Variants in TENM3 observed in about 807,000 individuals in gnomAD.
TENM3 encodes the protein teneurin-3.
Under a neutral mutation model 255.1 loss-of-function variants are expected in TENM3, and 63 were observed. The observed-to-expected ratio is 0.25, with a 90% CI of 0.20 to 0.30. The LOEUF is 0.30. Ranked by LOEUF, TENM3 falls within the 10% of genes least tolerant of loss-of-function variation. The pLI is 1.00. For synonymous variants in TENM3, 1,306 were observed against 1,322.3 expected (o/e 0.99, Z 0.27); for missense variants, 2,929 against 3,461.1 (o/e 0.85, Z 3.86).
At chr4:181,457,735 T>C in the TENM3 span, among the ~76,000 whole-genome samples, 3 of 151,732 alleles carry the variant, frequency 2.0e-5, no homozygotes, top group Non-Finnish European at 4.4e-5. Context: ...AAATCAAATA[T>C]AAGCATTCTA....
chr4:182,611,838 T>G (rs2152432677), intron 4 of TENM3, among the ~76,000 whole-genome samples: 1 of 152,326 alleles, frequency 6.6e-6, no homozygotes, highest in Admixed American at 6.5e-5. Flanking sequence ...ATAAGATACC[T>G]TTGACAGCCA....
chr4:181,768,436 C>G, the TENM3 span, among the ~76,000 whole-genome samples: 1 of 152,120 alleles, frequency 6.6e-6, no homozygotes, highest in Non-Finnish European at 1.5e-5. Context: ...TAAGCAATTC[C>G]GTCTAAAACA....
intron 4 of TENM3, among the ~76,000 whole-genome samples, chr4:182,614,369 A>G (rs1749281542): frequency 6.6e-6 from 1 of 152,190 alleles, no homozygotes; most frequent in Admixed American, 6.5e-5. Flanking sequence ...TAGAAAATTC[A>G]CATACATAGA....
intron 1 of TENM3, among the ~76,000 whole-genome samples, chr4:182,294,066 C>T (rs1260835754): frequency 1.3e-5 from 2 of 151,892 alleles, no homozygotes; most frequent in Non-Finnish European, 2.9e-5. Context: ...ACCAGGGAGT[C>T]GGAAGCATTG....
the TENM3 span, among the ~76,000 whole-genome samples, chr4:181,546,272 A>G: frequency 1.3e-5 from 2 of 152,140 alleles, no homozygotes; most frequent in African/African-American, 2.4e-5. Context: ...ATGGCCATTG[A>G]TTAGTCCAAA....
At chr4:181,578,607 T>C in the TENM3 span, among the ~76,000 whole-genome samples, 1 of 152,064 alleles carries the variant, frequency 6.6e-6, no homozygotes, top group South Asian at 2.1e-4. Flanking sequence ...GGTCCTCATC[T>C]CTCTGTACTT....
chr4:181,657,975 G>A, the TENM3 span, among the ~76,000 whole-genome samples: 38 of 152,184 alleles, frequency 2.5e-4, no homozygotes, highest in Non-Finnish European at 4.7e-4. Context: ...AACAGACACT[G>A]CGGACTCTAA....
intron 22 of TENM3, among the ~76,000 whole-genome samples, chr4:182,765,087 C>A (rs1028834241): frequency 6.6e-6 from 1 of 151,706 alleles, no homozygotes; most frequent in African/African-American, 2.4e-5. Context: ...AGTTCCGATT[C>A]GTAAATTATG....
At chr4:182,225,153 A>C (rs1377793089) in intron 1 of TENM3, among the ~76,000 whole-genome samples, 1 of 152,274 alleles carries the variant, frequency 6.6e-6, no homozygotes, top group East Asian at 1.9e-4. Context: ...TTGTGGATTA[A>C]ATGAAACAAA....
chr4:182,476,740 G>A (rs927590060), intron 3 of TENM3, among the ~76,000 whole-genome samples: 2 of 152,144 alleles, frequency 1.3e-5, no homozygotes, highest in African/African-American at 2.4e-5. Context: ...AAAGTACATG[G>A]TCTTGAAGAT....
chr4:181,592,036 GA>G, the TENM3 span, among the ~76,000 whole-genome samples: 1 of 152,128 alleles, frequency 6.6e-6, no homozygotes, highest in Admixed American at 6.5e-5. Flanking sequence ...TCAGTGACAG[GA>G]AGCAGATTAG....
chr4:181,873,227 C>T, the TENM3 span, among the ~76,000 whole-genome samples: 7 of 151,982 alleles, frequency 4.6e-5, no homozygotes, highest in African/African-American at 1.7e-4. Context: ...GCCAACACAC[C>T]CAGATAATTT....
intron 3 of TENM3, among the ~76,000 whole-genome samples, chr4:182,438,713 T>C (rs568308098): frequency 5.6e-4 from 86 of 152,368 alleles, no homozygotes; most frequent in African/African-American, 1.8e-3. Flanking sequence ...TTATATCATC[T>C]GTACTGAGGC....
chr4:182,691,058 C>G (rs1756972415), intron 12 of TENM3, among the ~76,000 whole-genome samples: 1 of 152,178 alleles, frequency 6.6e-6, no homozygotes, highest in Non-Finnish European at 1.5e-5. Context: ...TTTTGGCATA[C>G]AAAGATCCAA....
the TENM3 span, among the ~76,000 whole-genome samples, chr4:181,712,663 GAAACAGA>G: frequency 6.6e-6 from 1 of 152,114 alleles, no homozygotes; most frequent in Non-Finnish European, 1.5e-5. Flanking sequence ...GCTCTCTTGG[GAAACAGA>G]TAGAATTAAT....
the TENM3 span, among the ~76,000 whole-genome samples, chr4:181,962,551 TG>T: frequency 6.6e-6 from 1 of 152,246 alleles, no homozygotes. Context: ...TGAAACAGGT[TG>T]TTTTGGTGCC....
intron 1 of TENM3, among the ~76,000 whole-genome samples, chr4:182,255,531 T>A (rs895556974): frequency 1.3e-5 from 2 of 152,186 alleles, no homozygotes; most frequent in Non-Finnish European, 2.9e-5. Flanking sequence ...CCAGAATGGC[T>A]TGTGTTTCAT....
At chr4:181,962,293 C>T in the TENM3 span, among the ~76,000 whole-genome samples, 3 of 152,210 alleles carry the variant, frequency 2.0e-5, no homozygotes, top group Non-Finnish European at 4.4e-5. Context: ...GATCCAAATT[C>T]CAGAATTTTA....
chr4:182,138,990 G>A (rs960623199), upstream of TENM3, among the ~76,000 whole-genome samples: 5 of 152,106 alleles, frequency 3.3e-5, no homozygotes, highest in African/African-American at 1.2e-4. Flanking sequence ...GTTTAAAAAA[G>A]AAAGTCAGAG....
Sources: gnomAD v4.1 joint callset for allele counts (sites outside exome capture counted in the v4.1 genomes callset) on GRCh38, gnomAD v4.1.1 for gene constraint, MANE v1.5 for transcripts, NCBI Gene and HGNC (gene_info 2026-07-23, HGNC 2026-07-21) for gene names.